Variants in SUGP2 observed in about 807,000 individuals in gnomAD.
The protein encoded by SUGP2 is SURP and G-patch domain-containing protein 2.
A neutral mutation model predicts 90.5 loss-of-function variants in SUGP2; 24 were observed. The observed-to-expected ratio is 0.27, with a 90% CI of 0.19 to 0.37. The LOEUF is 0.37. SUGP2 is among the 10% of genes least tolerant of loss of function. The pLI is 1.00. For missense variants in SUGP2, 1,233 were observed against 1,363.3 expected, an observed-to-expected ratio of 0.90 and a Z score of 1.51; for synonymous variants, 473 against 513.4, an observed-to-expected ratio of 0.92 and a Z score of 1.06.
In SUGP2 at chr19:19,026,056, T is replaced by C. The variant is rs1320058897; in HGVS notation, c.292A>G (p.Ser98Gly). The change falls in exon 3 of 11, where the codon AGT (serine) becomes GGT (glycine). Residue 98 changes from serine (S) to glycine (G), a missense_variant. Physicochemically the swap from Ser to Gly is moderately conservative, Grantham distance 56. Transcript: ENST00000452918. ...PSFRSSNPSI[S>G]DDSYFRKECG... ...TCTTTGCGAAAGTAGCTGTCATCAC[T>C]GATGGAAGGGTTGCTTGATCTGAAG... 5 of 1,614,114 alleles carry C rather than the reference T, an allele frequency of 3.1e-6. No homozygotes were observed. In the Admixed American group the frequency reaches 6.7e-5, roughly 22 times the overall value.
rs143108448 is a variant in SUGP2, at chr19:19,004,243, T to G, written c.2854A>C (p.Arg952=). The G allele has an allele frequency of 2.5e-6, 4 of 1,610,954 alleles. No individual in the cohort carries two copies. The highest frequency in any genetic ancestry group is 3.4e-6 in the Non-Finnish European group (4 of 1,178,022). ...ASSGTCFPRK[R]ISSKSLKVGM... is the part of the protein sequence containing the mutation. ...ACCTTCAATGACTTGCTGCTGATCC[T>G]CTTCCGAGGGAAGCAGGTACCTGAG... The change falls in exon 7 of 11, where the codon AGG becomes CGG. Residue 952 remains arginine, a synonymous_variant. Coordinates refer to ENST00000452918, the MANE Select transcript of SUGP2 (RefSeq NM_001017392.5).
intron 3 of SUGP2, among the ~76,000 whole-genome samples, chr19:19,021,729 C>T (rs1031783803): frequency 2.0e-5 from 3 of 149,544 alleles, no homozygotes; most frequent in Admixed American, 1.3e-4. Flanking sequence ...TGGAGTGGTG[C>T]GCTCTAGGCT....
chr19:18,995,345 T>G, intron 8 of SUGP2, 65 bp from the exon 9 acceptor site: 1 of 1,491,138 alleles, frequency 6.7e-7, no homozygotes, highest in Non-Finnish European at 8.9e-7. Flanking sequence ...GGGTCTGTCC[T>G]AGGCTATGCC....
chr19:19,010,988 A>G (rs1743285727), intron 4 of SUGP2, among the ~76,000 whole-genome samples: 1 of 151,454 alleles, frequency 6.6e-6, no homozygotes, highest in Non-Finnish European at 1.5e-5. Context: ...AAATAAAAAA[A>G]TTAGCCAGGG....
chr19:19,004,825 G>A (rs1426615666), intron 6 of SUGP2, among the ~76,000 whole-genome samples, 179 bp from the exon 7 acceptor site: 2 of 152,182 alleles, frequency 1.3e-5, no homozygotes, highest in African/African-American at 4.8e-5. Context: ...AAAATTTGAG[G>A]AGTACTAGTA....
chr19:19,009,310 C>T (rs1369421961), intron 5 of SUGP2, among the ~76,000 whole-genome samples: 1 of 152,166 alleles, frequency 6.6e-6, no homozygotes, highest in Admixed American at 6.6e-5. Context: ...CTCTCCTTCC[C>T]ACTTAGTGCT....
At chr19:19,023,127 G>A (rs1294711126) in intron 3 of SUGP2, among the ~76,000 whole-genome samples, 1 of 152,142 alleles carries the variant, frequency 6.6e-6, no homozygotes, top group Non-Finnish European at 1.5e-5. Context: ...ATTAGCAGGT[G>A]TACTTAAGTG....
rs186157014 is a variant in SUGP2, at chr19:19,019,217, C to T, written c.1742G>A (p.Arg581Gln). ...PSSLSDAVPQ[R>Q]ADHRVVGTID... ...GGTGCCCACTACCCTGTGATCTGCT[C>T]GCTGGGGGACAGCTGGAACACACAG... Residue 581 changes from arginine (R) to glutamine (Q), a missense_variant, in exon 4 of 11, where the codon CGA becomes CAA. Transcript: ENST00000452918. The T allele has an allele frequency of 2.5e-6, 4 of 1,613,122 alleles. No homozygotes were observed. The highest frequency in any genetic ancestry group is 2.5e-6 in the Non-Finnish European group (3 of 1,179,218).
In SUGP2 at chr19:18,995,173, G is replaced by A. The variant is rs147836998; in HGVS notation, c.3099C>T (p.Leu1033=). Residue 1033 remains leucine, a synonymous_variant, in exon 9 of 11, where the codon CTC becomes CTT. Coordinates refer to ENST00000452918, the MANE Select transcript of SUGP2 (RefSeq NM_001017392.5). ...GWKEGHGLGS[L]GKGIREPVSV... ...TGACCGGCTCCCTGATGCCCTTTCCGAGGGAGCCCAGGCCATGGCCCTCCT... is the reference window on the plus strand; with the variant it reads ...TGACCGGCTCCCTGATGCCCTTTCCAAGGGAGCCCAGGCCATGGCCCTCCT... The A allele has an allele frequency of 1.6e-5, 26 of 1,592,730 alleles. No individual in the cohort carries two copies. Among genetic ancestry groups the A allele is most frequent in the African/African-American group, 5.4e-5 (4 of 74,204 alleles).
intron 5 of SUGP2, among the ~76,000 whole-genome samples, 153 bp downstream of exon 5, chr19:19,009,702 A>C (rs142515086): frequency 3.2e-4 from 48 of 152,318 alleles, no homozygotes; most frequent in Admixed American, 5.2e-4. Context: ...GCAAGAGAGA[A>C]AGCGCCAACA....
At chr19:18,999,712 G>A (rs998605367) in intron 8 of SUGP2, among the ~76,000 whole-genome samples, 6 of 152,194 alleles carry the variant, frequency 3.9e-5, no homozygotes, top group Non-Finnish European at 7.3e-5. Flanking sequence ...CCAGCAGAGC[G>A]ATCTCGCCTG....
chr19:19,004,059 G>A (rs1017984796), intron 7 of SUGP2, 109 bp downstream of exon 7: 24 of 857,746 alleles, frequency 2.8e-5, no homozygotes, highest in Middle Eastern at 3.7e-4. Flanking sequence ...TTGGAGTGGT[G>A]CACAAAACTC....
chr19:18,997,796 A>AG (rs2057667500), intron 8 of SUGP2, among the ~76,000 whole-genome samples: 1 of 144,724 alleles, frequency 6.9e-6, no homozygotes, highest in African/African-American at 2.9e-5. Context: ...AAAAAAAAAA[A>AG]AAAAAAAGAA....
chr19:19,019,692 T>C (rs2145617814), intron 3 of SUGP2, among the ~76,000 whole-genome samples: 1 of 151,530 alleles, frequency 6.6e-6, no homozygotes, highest in Admixed American at 6.6e-5. Context: ...TAAGGAAATA[T>C]GTTAGGAAAT....
intron 4 of SUGP2, among the ~76,000 whole-genome samples, chr19:19,018,876 A>G (rs1330403752): frequency 6.6e-6 from 1 of 152,162 alleles, no homozygotes; most frequent in Non-Finnish European, 1.5e-5. Context: ...AGGGACTTGG[A>G]GCTGTAGTCA....
intron 1 of SUGP2, among the ~76,000 whole-genome samples, chr19:19,032,168 T>TC (rs2059191173): frequency 6.6e-6 from 1 of 150,832 alleles, no homozygotes; most frequent in Non-Finnish European, 1.5e-5. Context: ...TTTTTTTTTT[T>TC]TTCTTCCTTT....
In SUGP2 at chr19:19,009,980, G is replaced by A. The variant is rs548744746; in HGVS notation, c.2213C>T (p.Pro738Leu). ...AGGAGAAGGTCCAACTGGGTCTGGCGGGCAGTCCTTGGCAGCATCATTTCT... is the reference window on the plus strand; with the variant it reads ...AGGAGAAGGTCCAACTGGGTCTGGCAGGCAGTCCTTGGCAGCATCATTTCT... The part of the protein sequence containing the change: ...PDRNDAAKDC[P>L]PDPVGPSPQD... Residue 738 changes from proline to leucine, a missense_variant, in exon 5 of 11, where the codon CCG becomes CTG. Pro to Leu is a moderately conservative substitution (Grantham distance 98). Coordinates refer to ENST00000452918, the MANE Select transcript of SUGP2 (RefSeq NM_001017392.5). 1.2e-5 allele frequency: 20 copies of A among 1,614,146 alleles called. No homozygotes were observed. Among genetic ancestry groups the A allele is most frequent in the Admixed American group, 1.2e-4 (7 of 60,006 alleles).
intron 4 of SUGP2, among the ~76,000 whole-genome samples, chr19:19,016,525 T>C (rs2058507515): frequency 6.6e-6 from 1 of 152,148 alleles, no homozygotes; most frequent in Non-Finnish European, 1.5e-5. Context: ...CTGGGCCTTC[T>C]AAGTCTGGAT....
chr19:19,030,292 C>T (rs1210952349), intron 2 of SUGP2, among the ~76,000 whole-genome samples: 1 of 151,958 alleles, frequency 6.6e-6, no homozygotes, highest in Non-Finnish European at 1.5e-5. Context: ...GAGTTCGAGA[C>T]CAGCCTGGCC....
Sources: gnomAD v4.1 joint callset for allele counts (sites outside exome capture counted in the v4.1 genomes callset) on GRCh38, gnomAD v4.1.1 for gene constraint, MANE v1.5 for transcripts, NCBI Gene and HGNC (gene_info 2026-07-23, HGNC 2026-07-21) for gene names.